The following ATRNL1 variants were observed in gnomAD, a reference collection of about 807,000 sequenced individuals.
ATRNL1 encodes the protein attractin like 1, also known as attractin-like protein 1.
Under a neutral mutation model 182.7 loss-of-function variants are expected in ATRNL1, and 95 were observed. That is an observed-to-expected ratio of 0.52 (90% CI 0.44 to 0.62). The LOEUF is 0.62. Ranked by LOEUF, ATRNL1 falls within the 20% of genes least tolerant of loss-of-function variation. ATRNL1 has a pLI of 0.00. For missense variants in ATRNL1, 1,471 were observed against 1,679.5 expected, an observed-to-expected ratio of 0.88 and a Z score of 2.17; for synonymous variants, 576 against 568.3, an observed-to-expected ratio of 1.01 and a Z score of -0.19.
chr10:115,754,875 G>A (rs1217359364), intron 27 of ATRNL1, among the ~76,000 whole-genome samples: 8 of 152,126 alleles, frequency 5.3e-5, no homozygotes, highest in Non-Finnish European at 8.8e-5. Flanking sequence ...TCCTTGAAGA[G>A]ATCCTTCACA....
At chr10:115,433,351 A>G (rs1846254993) in intron 21 of ATRNL1, among the ~76,000 whole-genome samples, 1 of 152,134 alleles carries the variant, frequency 6.6e-6, no homozygotes, top group Admixed American at 6.5e-5. Flanking sequence ...TGAATAAAAT[A>G]ATTTTCCTGT....
intron 9 of ATRNL1, among the ~76,000 whole-genome samples, chr10:115,229,223 A>G (rs1333321320): frequency 6.6e-6 from 1 of 152,320 alleles, no homozygotes; most frequent in African/African-American, 2.4e-5. Flanking sequence ...ACATGAAATG[A>G]TTTAATCTAG....
At chr10:115,289,747 T>C (rs1852802272) in intron 15 of ATRNL1, among the ~76,000 whole-genome samples, 1 of 152,246 alleles carries the variant, frequency 6.6e-6, no homozygotes, top group African/African-American at 2.4e-5. Flanking sequence ...TGTATGTTTA[T>C]GTTTTTATAC....
intron 24 of ATRNL1, among the ~76,000 whole-genome samples, chr10:115,498,222 T>C (rs531664038): frequency 6.6e-6 from 1 of 152,298 alleles, no homozygotes; most frequent in African/African-American, 2.4e-5. Context: ...TATTATTATT[T>C]TGCCTAATAT....
chr10:115,352,102 A>G (rs781968800), intron 19 of ATRNL1, among the ~76,000 whole-genome samples: 7 of 152,190 alleles, frequency 4.6e-5, no homozygotes, highest in Middle Eastern at 3.4e-3. Flanking sequence ...TTATTGGGAT[A>G]TAGTTGCTTA....
intron 24 of ATRNL1, among the ~76,000 whole-genome samples, chr10:115,488,790 T>G (rs1160107186): frequency 6.6e-6 from 1 of 152,162 alleles, no homozygotes; most frequent in Non-Finnish European, 1.5e-5. Context: ...TTGTTCTTGC[T>G]TCTCTAGTTC....
At chr10:115,341,389 T>G (rs1855746294) in intron 19 of ATRNL1, among the ~76,000 whole-genome samples, 1 of 152,190 alleles carries the variant, frequency 6.6e-6, no homozygotes, top group African/African-American at 2.4e-5. Context: ...ATTATTTCAG[T>G]TTTTTTCAAT....
intron 10 of ATRNL1, among the ~76,000 whole-genome samples, chr10:115,253,001 A>C (rs542610599): frequency 3.9e-4 from 60 of 152,276 alleles, no homozygotes; most frequent in Non-Finnish European, 4.6e-4. Context: ...TTTCATTGCT[A>C]GCCTGGCAAT....
intron 20 of ATRNL1, among the ~76,000 whole-genome samples, chr10:115,406,425 A>T (rs1844832673): frequency 1.3e-5 from 2 of 152,074 alleles, no homozygotes; most frequent in South Asian, 4.1e-4. Context: ...CATATTTTCA[A>T]CTTTGGAAAA....
At chr10:115,816,640 G>T (rs1950172792) in intron 27 of ATRNL1, among the ~76,000 whole-genome samples, 1 of 148,106 alleles carries the variant, frequency 6.8e-6, no homozygotes, top group African/African-American at 2.5e-5. Flanking sequence ...ACACACACAC[G>T]TGAAGGAAGA....
intron 19 of ATRNL1, among the ~76,000 whole-genome samples, chr10:115,371,930 A>G (rs938722778): frequency 6.6e-6 from 1 of 152,024 alleles, no homozygotes; most frequent in Non-Finnish European, 1.5e-5. Flanking sequence ...AATCATGGGG[A>G]CAGGTCCTTT....
chr10:115,880,061 G>C (rs1951792061), intron 28 of ATRNL1, among the ~76,000 whole-genome samples: 1 of 152,218 alleles, frequency 6.6e-6, no homozygotes, highest in African/African-American at 2.4e-5. Flanking sequence ...ACAGGAGAAA[G>C]CAGCTTATAT....
chr10:115,813,139 C>T lies in ATRNL1; in HGVS notation c.3904-34738C>T, dbSNP rs1439326859. Among the ~76,000 whole-genome samples, 4 of 151,926 alleles carry T rather than the reference C, an allele frequency of 2.6e-5. No homozygotes were observed. The East Asian group carries it at 5.8e-4, about 22-fold the overall frequency. On this transcript the variant is annotated intron_variant, in intron 27 of 28. Transcript: ENST00000355044. ...ACCCTGCCTGGGATCATCTAAATGA[C>T]GAGTTAATAGGTACAGCACAACAAC...
chr10:115,887,246 G>A (rs1555110017), intron 28 of ATRNL1, among the ~76,000 whole-genome samples: 2 of 152,134 alleles, frequency 1.3e-5, no homozygotes, highest in Non-Finnish European at 2.9e-5. Flanking sequence ...CATCTCGAAG[G>A]TGCCCCAAAC....
chr10:115,646,957 C>A lies in ATRNL1; in HGVS notation c.3796-80291C>A, dbSNP rs1377328827. Among the ~76,000 whole-genome samples, 74 of 126,630 alleles carry A rather than the reference C, an allele frequency of 5.8e-4. 1 individual carries two copies. The highest frequency in any genetic ancestry group is 1.6e-3 in the Admixed American group (20 of 12,268). 83.1% of individuals were successfully genotyped at this position (126,630 alleles called of 152,430 possible). On this transcript the variant is annotated intron_variant, in intron 26 of 28. Transcript: ENST00000355044. ...AGCCCTCCCCCCTCCCCCCCTCCCC[C>A]CACCCCACAACAGGCCCTGGTGTGT...
intron 26 of ATRNL1, among the ~76,000 whole-genome samples, chr10:115,562,856 C>T (rs1853839215): frequency 6.6e-6 from 1 of 152,118 alleles, no homozygotes; most frequent in African/African-American, 2.4e-5. Context: ...AAGTTCATAA[C>T]CAGTGTGAGA....
intron 26 of ATRNL1, among the ~76,000 whole-genome samples, chr10:115,614,063 A>T: frequency 6.6e-6 from 1 of 151,534 alleles, no homozygotes; most frequent in Non-Finnish European, 1.5e-5. Context: ...TTTTTATACT[A>T]ATTTTCTGTT....
At chr10:115,788,674 T>C (rs1392796782) in intron 27 of ATRNL1, among the ~76,000 whole-genome samples, 1 of 152,230 alleles carries the variant, frequency 6.6e-6, no homozygotes, top group Non-Finnish European at 1.5e-5. Flanking sequence ...ACCAAAATGG[T>C]ACCAGTGTCT....
chr10:115,275,252 T>C (rs1268309714), intron 13 of ATRNL1, among the ~76,000 whole-genome samples: 3 of 152,132 alleles, frequency 2.0e-5, no homozygotes, highest in Non-Finnish European at 4.4e-5. Context: ...TGGGACCCAG[T>C]GGGCCCACTG....
Sources: gnomAD v4.1 joint callset for allele counts (sites outside exome capture counted in the v4.1 genomes callset) on GRCh38, gnomAD v4.1.1 for gene constraint, MANE v1.5 for transcripts, NCBI Gene and HGNC (gene_info 2026-07-23, HGNC 2026-07-21) for gene names.